The following PROS1 variants were observed in gnomAD, a reference collection of about 807,000 sequenced individuals.
PROS1 encodes the protein protein S, also known as vitamin K-dependent protein S.
PROS1 carries 29 observed loss-of-function variants against 75.9 expected under a neutral mutation model. The observed-to-expected ratio is 0.38, with a 90% CI of 0.28 to 0.52. PROS1 has a LOEUF of 0.52. Among genes scored for constraint, PROS1 ranks in the 20% least tolerant of loss-of-function variants. The probability of loss-of-function intolerance (pLI) is 0.83; values close to 1 mark genes in which losing one functional copy is unlikely to be tolerated. For missense variants in PROS1, 680 were observed against 810.3 expected (o/e 0.84, Z 1.95); for synonymous variants, 245 against 280.6 (o/e 0.87, Z 1.27).
chr3:93,963,258 T>C (rs1302425252), intron 1 of PROS1, among the ~76,000 whole-genome samples: 1 of 152,222 alleles, frequency 6.6e-6, no homozygotes, highest in East Asian at 1.9e-4. Context: ...ATCTGACACC[T>C]GGTGACCATG....
chr3:93,940,946 C>A (rs1277917955), intron 1 of PROS1, among the ~76,000 whole-genome samples: 5 of 152,156 alleles, frequency 3.3e-5, no homozygotes, highest in African/African-American at 1.2e-4. Flanking sequence ...CTCTGGTGCC[C>A]AACCCGTACA....
chr3:93,914,731 A>C (rs754330351), intron 3 of PROS1, among the ~76,000 whole-genome samples: 2 of 152,076 alleles, frequency 1.3e-5, no homozygotes, highest in African/African-American at 2.4e-5. Flanking sequence ...ATGTATAAGT[A>C]AGTTCTTTAA....
chr3:93,883,607 A>G (rs2107135485), intron 12 of PROS1, among the ~76,000 whole-genome samples: 2 of 151,778 alleles, frequency 1.3e-5, no homozygotes, highest in South Asian at 4.2e-4. Context: ...AAAAAAGAAA[A>G]AAAGAAAGAA....
At chr3:93,899,558 G>A (rs1012512986) in intron 7 of PROS1, among the ~76,000 whole-genome samples, 3 of 152,090 alleles carry the variant, frequency 2.0e-5, no homozygotes, top group African/African-American at 7.2e-5. Context: ...CAGACATCTA[G>A]AGTTTTCCAC....
Position 93,905,879 on chromosome 3 carries a change from C to G in PROS1, c.506G>C (p.Gly169Ala), listed in dbSNP as rs761924988. ...ATTATCACAAATTTGACTGCAACCT[C>G]CATTTATATTTGAGGGATCTTTGCA... ...NECKDPSNIN[G>A]GCSQICDNTP... Residue 169 changes from glycine (G) to alanine (A), a missense_variant, in exon 6 of 15, where the codon GGA (glycine) becomes GCA (alanine). By Grantham distance (60) the Gly-to-Ala change is moderately conservative. Transcript: ENST00000394236. 4 of 1,612,986 alleles carry G rather than the reference C, an allele frequency of 2.5e-6. 1 individual carries two copies. The East Asian group carries it at 8.9e-5, about 36-fold the overall frequency.
intron 1 of PROS1, among the ~76,000 whole-genome samples, chr3:93,933,734 G>GC (rs912371691): frequency 3.9e-5 from 6 of 152,158 alleles, no homozygotes; most frequent in Admixed American, 3.9e-4. Context: ...GACTAGCCTG[G>GC]CCAACATGGT....
At chr3:93,884,647 T>G in intron 12 of PROS1, 81 bp downstream of exon 12, 1 of 1,439,274 alleles carries the variant, frequency 6.9e-7, no homozygotes, top group Non-Finnish European at 9.7e-7. Flanking sequence ...CAATAATGTT[T>G]CACAAATAAA....
chr3:93,929,940 G>C (rs1709080460), intron 1 of PROS1, among the ~76,000 whole-genome samples: 1 of 151,630 alleles, frequency 6.6e-6, no homozygotes, highest in Non-Finnish European at 1.5e-5. Context: ...CTTATTACCT[G>C]GTAAACAATA....
chr3:93,930,300 G>A (rs530984454), intron 1 of PROS1, among the ~76,000 whole-genome samples: 5 of 152,302 alleles, frequency 3.3e-5, no homozygotes, highest in East Asian at 3.9e-4. Context: ...AGAGCCTGAC[G>A]TGGGCAATTA....
intron 1 of PROS1, among the ~76,000 whole-genome samples, chr3:93,944,222 C>T (rs1709341552): frequency 6.6e-6 from 1 of 150,648 alleles, no homozygotes; most frequent in South Asian, 2.1e-4. Flanking sequence ...AAGAAAACTA[C>T]ACCTGCCACC....
chr3:93,909,084 T>C (rs143762450), intron 4 of PROS1, among the ~76,000 whole-genome samples: 2 of 152,166 alleles, frequency 1.3e-5, no homozygotes, highest in Admixed American at 1.3e-4. Flanking sequence ...AGTGACAACA[T>C]TAATATAAGA....
chr3:93,881,530 A>T (rs955281728), intron 12 of PROS1, among the ~76,000 whole-genome samples: 12 of 151,786 alleles, frequency 7.9e-5, no homozygotes, highest in Non-Finnish European at 1.3e-4. Context: ...ATAAAAATTT[A>T]AAAATGTATT....
chr3:93,968,872 G>T (rs1245453001), intron 1 of PROS1, among the ~76,000 whole-genome samples: 1 of 152,188 alleles, frequency 6.6e-6, no homozygotes, highest in African/African-American at 2.4e-5. Context: ...AATAGGAAAA[G>T]AAACAATGGA....
At chr3:93,890,960 C>G (rs1708423221) in intron 10 of PROS1, among the ~76,000 whole-genome samples, 1 of 152,004 alleles carries the variant, frequency 6.6e-6, no homozygotes, top group African/African-American at 2.4e-5. Flanking sequence ...CAAAAACTAC[C>G]TGGGCATGGT....
At position 93,884,778 on chromosome 3, in the gene PROS1, T is replaced by C; in HGVS notation, c.1442A>G (p.Lys481Arg). 6.2e-7 allele frequency: 1 copy of C among 1,613,950 alleles called. No individual in the cohort carries two copies. Among genetic ancestry groups the C allele is most frequent in the Non-Finnish European group, 8.5e-7 (1 of 1,179,904 alleles). Reference protein sequence around the residue: ...QNKHCLVTVEKGSYYPGSGIA... With the variant: ...QNKHCLVTVERGSYYPGSGIA... ...TCCAGAACCAGGATAGTAGGAGCCC[T>C]TCTCCACAGTAACCAGGCAATGCTT... Residue 481 changes from lysine to arginine, a missense_variant, in exon 12 of 15, where the codon AAG becomes AGG. Transcript: ENST00000394236.
intron 1 of PROS1, among the ~76,000 whole-genome samples, chr3:93,937,727 G>A (rs1709208012): frequency 6.6e-6 from 1 of 152,110 alleles, no homozygotes; most frequent in Admixed American, 6.5e-5. Context: ...TTTGGGCCTG[G>A]CGCTGGGCTG....
chr3:93,940,332 A>C (rs1247017892), intron 1 of PROS1, among the ~76,000 whole-genome samples: 1 of 152,042 alleles, frequency 6.6e-6, no homozygotes, highest in African/African-American at 2.4e-5. Flanking sequence ...ACCATCACAT[A>C]TGCTTTGGGT....
chr3:93,908,141 A>C (rs926835414), intron 4 of PROS1, among the ~76,000 whole-genome samples: 2 of 152,218 alleles, frequency 1.3e-5, no homozygotes, highest in Non-Finnish European at 2.9e-5. Context: ...CTCAAAAAAA[A>C]AGAAAAAGAA....
At chr3:93,966,914 T>C (rs1709799734) in intron 1 of PROS1, among the ~76,000 whole-genome samples, 1 of 152,116 alleles carries the variant, frequency 6.6e-6, no homozygotes, top group South Asian at 2.1e-4. Context: ...TCATTGTTTC[T>C]CAAGAGAAGC....
Sources: allele counts gnomAD v4.1 joint callset (sites outside exome capture counted in the v4.1 genomes callset), GRCh38; gene constraint gnomAD v4.1.1; transcripts MANE v1.5; gene names NCBI Gene and HGNC (gene_info 2026-07-23, HGNC 2026-07-21).